FAM120B: variants seen among roughly 807,000 people sequenced by gnomAD.
FAM120B encodes family with sequence similarity 120 member B.
FAM120B carries 83 observed loss-of-function variants against 96.3 expected under a neutral mutation model. The observed-to-expected ratio is 0.86, with a 90% CI of 0.72 to 1.03. The LOEUF is 1.03. Among genes scored for constraint, FAM120B ranks in the 50% least tolerant of loss-of-function variants. The pLI is 0.00. For missense variants in FAM120B, 1,027 were observed against 1,121.2 expected, an observed-to-expected ratio of 0.92 and a Z score of 1.20; for synonymous variants, 407 against 402.7, an observed-to-expected ratio of 1.01 and a Z score of -0.13.
At chr6:170,386,346 T>C (rs1293338360) in intron 6 of FAM120B, among the ~76,000 whole-genome samples, 1 of 151,982 alleles carries the variant, frequency 6.6e-6, no homozygotes, top group African/African-American at 2.4e-5. Flanking sequence ...ACTAAATTGA[T>C]GAAGAAAAGC....
At chr6:170,308,834 A>T (rs539310158) in intron 1 of FAM120B, among the ~76,000 whole-genome samples, 4 of 152,144 alleles carry the variant, frequency 2.6e-5, no homozygotes, top group Non-Finnish European at 5.9e-5. Flanking sequence ...GCCTGGAGAA[A>T]CAAAATGTGA....
chr6:170,338,910 A>G (rs968271350), intron 4 of FAM120B, among the ~76,000 whole-genome samples: 13 of 115,794 alleles, frequency 1.1e-4, no homozygotes, highest in Non-Finnish European at 1.5e-4. Context: ...TTTTAAGCCT[A>G]TGTGTGTCTT....
At chr6:170,356,729 A>T (rs188669331) in intron 5 of FAM120B, among the ~76,000 whole-genome samples, 2 of 152,276 alleles carry the variant, frequency 1.3e-5, no homozygotes, top group African/African-American at 2.4e-5. Flanking sequence ...ATATAAGTGA[A>T]CCCATGCAAT....
intron 1 of FAM120B, among the ~76,000 whole-genome samples, chr6:170,298,708 A>G (rs938946343): frequency 6.6e-6 from 1 of 152,180 alleles, no homozygotes; most frequent in Admixed American, 6.5e-5. Flanking sequence ...CTTTTCTACT[A>G]TTGAGACTGT....
chr6:170,372,883 T>C (rs1789282744), intron 6 of FAM120B, among the ~76,000 whole-genome samples: 1 of 152,248 alleles, frequency 6.6e-6, no homozygotes, highest in African/African-American at 2.4e-5. Flanking sequence ...AATCAGTTTA[T>C]TTTTGCTGTT....
intron 1 of FAM120B, among the ~76,000 whole-genome samples, chr6:170,310,796 T>C (rs1784545304): frequency 6.6e-6 from 1 of 152,212 alleles, no homozygotes; most frequent in African/African-American, 2.4e-5. Flanking sequence ...CAACCAAAGC[T>C]CTCTGCTTCT....
intron 6 of FAM120B, among the ~76,000 whole-genome samples, chr6:170,385,853 TAC>T (rs1207986433): frequency 1.3e-5 from 2 of 152,234 alleles, no homozygotes; most frequent in Non-Finnish European, 1.5e-5. Flanking sequence ...AAATGCATGT[TAC>T]TAAGTGACAG....
rs533522141 is a variant in FAM120B at position 170,345,956 on chromosome 6, G to C, written c.2018-2195G>C. Among the ~76,000 whole-genome samples, 3 of 152,356 alleles carry C rather than the reference G, an allele frequency of 2.0e-5. No homozygotes were observed. The South Asian group carries it at 6.2e-4, about 32-fold the overall frequency. On this transcript the variant is annotated intron_variant, in intron 4 of 10. Transcript: ENST00000476287. ...TGCACAAACCTAAATTGTGTGGCCTGTGTCTCCCAGGCTGCAAACCTGTGA... is the reference window on the plus strand; with the variant it reads ...TGCACAAACCTAAATTGTGTGGCCTCTGTCTCCCAGGCTGCAAACCTGTGA...
intron 7 of FAM120B, among the ~76,000 whole-genome samples, chr6:170,389,292 C>G (rs1790357254): frequency 6.6e-6 from 1 of 152,148 alleles, no homozygotes; most frequent in Non-Finnish European, 1.5e-5. Context: ...TAATGACGTG[C>G]ATGGAACAGT....
chr6:170,335,839 C>T (rs1013564548), intron 4 of FAM120B, among the ~76,000 whole-genome samples: 1 of 152,166 alleles, frequency 6.6e-6, no homozygotes, highest in Admixed American at 6.5e-5. Flanking sequence ...TGTTTGTTGG[C>T]TGCATAAATG....
upstream of FAM120B, among the ~76,000 whole-genome samples, chr6:170,292,345 G>A (rs548752024): frequency 5.3e-5 from 8 of 152,240 alleles, no homozygotes; most frequent in South Asian, 4.1e-4. The surrounding 1 kb of genome is among the most constrained non-coding windows in gnomAD (Gnocchi z 6.6). Context: ...GTAAGTTGGG[G>A]CAGAGACTCC....
At chr6:170,295,289 G>A (rs1253143693), upstream of FAM120B, 2 of 648,292 alleles carry the variant, frequency 3.1e-6, no homozygotes, top group Admixed American at 4.4e-5. The surrounding 1 kb of genome is among the most constrained non-coding windows in gnomAD (Gnocchi z 7.8). Flanking sequence ...GCCCAGCCAC[G>A]CCCACCCAAG....
chr6:170,386,503 A>G (rs1790194875), intron 6 of FAM120B, among the ~76,000 whole-genome samples: 2 of 152,232 alleles, frequency 1.3e-5, no homozygotes, highest in Non-Finnish European at 2.9e-5. Flanking sequence ...GGTAAAATGA[A>G]CACATTCCTT....
In FAM120B at chr6:170,317,595, T is replaced by A; in HGVS notation, c.205T>A (p.Ser69Thr). ...CGGTGGCCAGTGGCGAGAATACTTT[T>A]CTGCTTTGCGAGATTTTGTTAAAAC... ...ICGGQWREYF[S>T]ALRDFVKTFT... The change falls in exon 2 of 11, where the codon TCT (serine) becomes ACT (threonine). Residue 69 changes from serine to threonine, a missense_variant. By Grantham distance (58) the Ser-to-Thr change is moderately conservative. Around this residue, in one of 3 missense-constraint regions of FAM120B, gnomAD observed 880 missense variants for 980.9 expected, o/e 0.90. Coordinates refer to ENST00000476287, the MANE Select transcript of FAM120B (RefSeq NM_032448.3). 1 of 1,614,234 alleles carries A rather than the reference T, an allele frequency of 6.2e-7. No homozygotes were observed. The highest frequency in any genetic ancestry group is 8.5e-7 in the Non-Finnish European group (1 of 1,180,048).
chr6:170,355,278 GC>G (rs1243416411), intron 5 of FAM120B, among the ~76,000 whole-genome samples: 1 of 152,168 alleles, frequency 6.6e-6, no homozygotes, highest in East Asian at 1.9e-4. Context: ...TATGTTCACT[GC>G]AGCACTATTC....
At chr6:170,354,747 C>T (rs1583252558) in intron 5 of FAM120B, among the ~76,000 whole-genome samples, 2 of 148,656 alleles carry the variant, frequency 1.3e-5, no homozygotes, top group East Asian at 4.5e-4. Context: ...CACGGTGAAA[C>T]CCCGTCTCTA....
At chr6:170,345,847 G>A (rs571850729) in intron 4 of FAM120B, among the ~76,000 whole-genome samples, 2 of 152,216 alleles carry the variant, frequency 1.3e-5, no homozygotes, top group Non-Finnish European at 2.9e-5. Context: ...CCACTAGACA[G>A]CCCTGCATTG....
chr6:170,374,721 A>G (rs1789406926), intron 6 of FAM120B, among the ~76,000 whole-genome samples: 1 of 152,184 alleles, frequency 6.6e-6, no homozygotes, highest in African/African-American at 2.4e-5. Context: ...AGTGCCATGA[A>G]TAGGGCATTG....
rs140652399 is a variant in FAM120B, at chr6:170,353,841, A to G, written c.2191-4385A>G. 1.3e-3 allele frequency among the ~76,000 whole-genome samples: 197 copies of G among 152,370 alleles called. 1 individual carries two copies. Among genetic ancestry groups the G allele is most frequent in the African/African-American group, 4.5e-3 (186 of 41,586 alleles). On this transcript the variant is annotated intron_variant, in intron 5 of 10. Transcript: ENST00000476287. ...GAATCGACATTGTGAAAATGGCCATATGGCCCAAAGTAATTTATAGATTCA... is the reference window on the plus strand; with the variant it reads ...GAATCGACATTGTGAAAATGGCCATGTGGCCCAAAGTAATTTATAGATTCA...
Sources: allele counts gnomAD v4.1 joint callset (sites outside exome capture counted in the v4.1 genomes callset), GRCh38; gene constraint gnomAD v4.1.1; regional missense constraint gnomAD v4.1.1; non-coding constraint Gnocchi (gnomAD v3.1); transcripts MANE v1.5; gene names NCBI Gene and HGNC (gene_info 2026-07-23, HGNC 2026-07-21).